The following SF3B2 variants were observed in gnomAD, a reference collection of about 807,000 sequenced individuals.
SF3B2 encodes SAP 145.
In SF3B2, 22 loss-of-function variants were observed where a neutral mutation model predicts 116.3. The ratio of observed to expected loss-of-function variants is 0.19; its 90% CI spans 0.14 to 0.27. The LOEUF is 0.27. Among genes scored for constraint, SF3B2 ranks in the 10% least tolerant of loss-of-function variants. SF3B2 has a pLI of 1.00. For missense variants in SF3B2, 767 were observed against 1,151.4 expected, an observed-to-expected ratio of 0.67 and a Z score of 4.83; for synonymous variants, 406 against 421.6, an observed-to-expected ratio of 0.96 and a Z score of 0.45.
rs1473400013 is a variant in SF3B2, at chr11:66,068,728, A to C, written c.2671A>C (p.Lys891Gln). The C allele has an allele frequency of 1.9e-6, 3 of 1,614,010 alleles. No individual in the cohort carries two copies. Among genetic ancestry groups the C allele is most frequent in the Non-Finnish European group, 2.5e-6 (3 of 1,179,976 alleles). ...QDSRGGSKKY[K>Q]EFKF ...CAGCCGTGGGGGCAGCAAGAAATAT[A>C]AGGAGTTCAAGTTTTAGGTCCCCTC... The change falls in exon 22 of 22, where the codon AAG (lysine) becomes CAG (glutamine). Residue 891 changes from lysine (K) to glutamine (Q), a missense_variant. Coordinates refer to ENST00000322535, the MANE Select transcript of SF3B2 (RefSeq NM_006842.3).
At position 66,068,977 on chromosome 11, in the gene SF3B2, A is replaced by C; in HGVS notation, c.*232A>C. On this transcript the variant is annotated 3_prime_UTR_variant, in exon 22 of 22. Coordinates refer to ENST00000322535, the MANE Select transcript of SF3B2 (RefSeq NM_006842.3). Reference sequence around the variant, plus strand: ...AGGACTAAAATAGTCTCTTTCTACAATCACTGGGCTGCCCCAGTAACCACG... The same window carrying C: ...AGGACTAAAATAGTCTCTTTCTACACTCACTGGGCTGCCCCAGTAACCACG... 3 of 493,088 alleles carry C rather than the reference A, an allele frequency of 6.1e-6. No individual in the cohort carries two copies. Among genetic ancestry groups the C allele is most frequent in the Non-Finnish European group, 3.7e-6 (1 of 269,356 alleles). The allele number at this position is 493,088 out of a possible 1,614,324, so 30.5% of individuals were successfully genotyped here.
At chr11:66,064,393 GT>G (rs1857145218) in intron 19 of SF3B2, among the ~76,000 whole-genome samples, 1 of 152,072 alleles carries the variant, frequency 6.6e-6, no homozygotes, top group Non-Finnish European at 1.5e-5. Context: ...TTCTCTTGAT[GT>G]TACACTGCTT....
rs368979347 is a variant in SF3B2, at chr11:66,063,386, G to A, written c.2086-14G>A. The A allele has an allele frequency of 7.5e-6, 12 of 1,602,628 alleles. No homozygotes were observed. The African/African-American group carries it at 1.5e-4, about 20-fold the overall frequency. On this transcript the variant is annotated splice_polypyrimidine_tract_variant and intron_variant, in intron 17 of 21. Transcript: ENST00000322535. ...TAGAAAACATTTGTTGAATGATAAA[G>A]TGATCTCTTTCAGACCAAGACTGAG... is the stretch of plus-strand genomic sequence containing the variant.
chr11:66,056,399 C>CAAAA lies in SF3B2; in HGVS notation c.550-420_550-417dup, dbSNP rs34575917. Among the ~76,000 whole-genome samples the CAAAA allele has an allele frequency of 5.6e-4, 29 of 52,134 alleles. 1 individual carries two copies. The highest frequency in any genetic ancestry group is 5.7e-4 in the Non-Finnish European group (16 of 28,112). The allele number at this position is 52,134 out of a possible 152,430, so 34.2% of individuals were successfully genotyped here. On this transcript the variant is annotated intron_variant, in intron 5 of 21. Transcript: ENST00000322535. ...TAGGCAACAGAGCCAGACTCTGTCT[C>CAAAA]AAAAAAAAAAAAAAAAAAAAAAGCC...
intron 2 of SF3B2, 94 bp from the exon 3 acceptor site, chr11:66,052,933 G>A: frequency 7.4e-7 from 1 of 1,346,490 alleles, no homozygotes; most frequent in South Asian, 1.2e-5. Flanking sequence ...TGGCAGACAG[G>A]CACTGGGTAC....
intron 21 of SF3B2, 29 bp downstream of exon 21, chr11:66,068,362 G>A (rs1857223741): frequency 4.5e-6 from 7 of 1,542,326 alleles, no homozygotes; most frequent in Non-Finnish European, 6.1e-6. Flanking sequence ...GCTGGGCTGG[G>A]TGAGAGCCAG....
chr11:66,055,776 G>A, intron 5 of SF3B2, 191 bp downstream of exon 5: 1 of 571,278 alleles, frequency 1.8e-6, no homozygotes, highest in South Asian at 2.6e-5. Context: ...GCCTGCATGT[G>A]TATGGCCTAT....
rs1383631103 is a variant in SF3B2, at chr11:66,059,044, A to G, written c.1181A>G (p.Lys394Arg). 6.2e-7 allele frequency: 1 copy of G among 1,613,750 alleles called. No individual in the cohort carries two copies. Among genetic ancestry groups the G allele is most frequent in the Non-Finnish European group, 8.5e-7 (1 of 1,179,816 alleles). Residue 394 changes from lysine (K) to arginine (R), a missense_variant and splice_region_variant, in exon 10 of 22, where the codon AAG becomes AGG. Physicochemically the swap from Lys to Arg is conservative, Grantham distance 26. Coordinates refer to ENST00000322535, the MANE Select transcript of SF3B2 (RefSeq NM_006842.3). The surrounding 1 kb of genome is among the most constrained non-coding windows in gnomAD (Gnocchi z 5.0). ...TTTAAGAGGATCTTTGAGGCTTTTA[A>G]GGTACAAGGAGAGCACACTAGGAAG... ...IFFKRIFEAF[K>R]LTDDVKKEKE...
rs1205042832 is a variant in SF3B2 at position 66,068,390 on chromosome 11, T to C, written c.2616+57T>C. 7 of 1,509,694 alleles carry C rather than the reference T, an allele frequency of 4.6e-6. No homozygotes were observed. The East Asian group carries it at 1.6e-4, about 35-fold the overall frequency. The allele number at this position is 1,509,694 out of a possible 1,614,324, so 93.5% of individuals were successfully genotyped here. A position where few individuals can be genotyped will look rare whatever the true frequency, so the allele number is the denominator to read the frequency against. ...AGAGCCAGGGACCCTGGCCTGCCGTTTTCAGTGGCATGGTGCCCTCTAGTG... is the reference window on the plus strand; with the variant it reads ...AGAGCCAGGGACCCTGGCCTGCCGTCTTCAGTGGCATGGTGCCCTCTAGTG... On this transcript the variant is annotated intron_variant, in intron 21 of 21. Coordinates refer to ENST00000322535, the MANE Select transcript of SF3B2 (RefSeq NM_006842.3).
Position 66,063,532 on chromosome 11 carries a change from C to A in SF3B2, c.2218C>A (p.Pro740Thr). Residue 740 changes from proline to threonine, a missense_variant, in exon 18 of 22, where the codon CCT (proline) becomes ACT (threonine). This residue lies in a region of SF3B2 where 282 missense variants were observed against 568.0 expected (regional missense o/e 0.50). Coordinates refer to ENST00000322535, the MANE Select transcript of SF3B2 (RefSeq NM_006842.3). The stretch of plus-strand genomic sequence containing the variant: ...ACCAGATGAGACAGGCTTTATTACC[C>A]CTGCAGACAGGTGGGGGAAGCAGAG... Reference protein sequence around the residue: ...DKPDETGFITPADSGLITPGG... With the variant: ...DKPDETGFITTADSGLITPGG... 6.2e-7 allele frequency: 1 copy of A among 1,613,542 alleles called. No individual in the cohort carries two copies. Among genetic ancestry groups the A allele is most frequent in the Non-Finnish European group, 8.5e-7 (1 of 1,179,764 alleles).
At position 66,059,101 on chromosome 11, in the gene SF3B2, G is replaced by A; in HGVS notation, c.1182+56G>A. ...TGCCAAACAGGGAAGGGGCTCAGAG[G>A]TGGGTGAGAGGCAGCGGTGAACAGG... On this transcript the variant is annotated intron_variant, in intron 10 of 21. Transcript: ENST00000322535. The surrounding 1 kb of genome is among the most constrained non-coding windows in gnomAD (Gnocchi z 5.0). 6.2e-7 allele frequency: 1 copy of A among 1,608,608 alleles called. No homozygotes were observed. The highest frequency in any genetic ancestry group is 2.2e-5 in the East Asian group (1 of 44,826).
At chr11:66,052,986 A>G (rs1565085559) in intron 2 of SF3B2, 41 bp from the exon 3 acceptor site, 4 of 1,589,966 alleles carry the variant, frequency 2.5e-6, no homozygotes, top group Non-Finnish European at 2.6e-6. Flanking sequence ...TTAGTGAAAC[A>G]GCTAGTTTTG....
Position 66,052,430 on chromosome 11 carries a change from C to A in SF3B2, c.46C>A (p.Pro16Thr), listed in dbSNP as rs769526007. 6.2e-7 allele frequency: 1 copy of A among 1,613,064 alleles called. No homozygotes were observed. Among genetic ancestry groups the A allele is most frequent in the South Asian group, 1.1e-5 (1 of 91,012 alleles). ...PEPPKAELQLPPPPPPGHYGA... is the reference protein window; with the variant it reads ...PEPPKAELQLTPPPPPGHYGA... Reference sequence around the variant, plus strand: ...GCCTCCCAAAGCAGAATTGCAGCTGCCGCCGCCGCCACCTCCAGGCCACTA... The same window carrying A: ...GCCTCCCAAAGCAGAATTGCAGCTGACGCCGCCGCCACCTCCAGGCCACTA... Residue 16 changes from proline (P) to threonine (T), a missense_variant, in exon 1 of 22, where the codon CCG (proline) becomes ACG (threonine). Transcript: ENST00000322535.
At chr11:66,055,731 C>T (rs1856982459) in intron 5 of SF3B2, 146 bp downstream of exon 5, 4 of 706,420 alleles carry the variant, frequency 5.7e-6, no homozygotes, top group Non-Finnish European at 9.4e-6. Flanking sequence ...TTCAATTTTT[C>T]TTGAAGTTCA....
chr11:66,055,757 T>C, intron 5 of SF3B2, 172 bp downstream of exon 5: 2 of 622,670 alleles, frequency 3.2e-6, no homozygotes, highest in South Asian at 2.1e-5. Flanking sequence ...TGACAAACTA[T>C]GACCTGTGGC....
intron 19 of SF3B2, chr11:66,067,096 T>C: frequency 8.6e-6 from 2 of 233,334 alleles, no homozygotes; most frequent in South Asian, 5.2e-5. Context: ...CTGTTTCATA[T>C]ATTTTGCCCA....
intron 14 of SF3B2, 72 bp from the exon 15 acceptor site, chr11:66,061,614 T>G: frequency 8.8e-7 from 1 of 1,134,020 alleles, no homozygotes; most frequent in Non-Finnish European, 1.3e-6. Context: ...ATTTTATATC[T>G]GATGTGCGTT....
rs1474096977 is a variant in SF3B2 at position 66,068,040 on chromosome 11, T to A, written c.2425T>A (p.Ser809Thr). The A allele has an allele frequency of 1.2e-6, 2 of 1,614,008 alleles. No individual in the cohort carries two copies. Among genetic ancestry groups the A allele is most frequent in the Non-Finnish European group, 8.5e-7 (1 of 1,179,950 alleles). Reference protein sequence around the residue: ...MMGSTHIYDMSTVMSRKGPAP... With the variant: ...MMGSTHIYDMTTVMSRKGPAP... ...GGGATCAACCCACATTTATGACATGTCCACGGTGAGTACTTGGAGGATACT... is the reference window on the plus strand; with the variant it reads ...GGGATCAACCCACATTTATGACATGACCACGGTGAGTACTTGGAGGATACT... The change falls in exon 20 of 22, where the codon TCC (serine) becomes ACC (threonine). Residue 809 changes from serine to threonine, a missense_variant. Coordinates refer to ENST00000322535, the MANE Select transcript of SF3B2 (RefSeq NM_006842.3).
Position 66,052,724 on chromosome 11 carries a change from G to A in SF3B2, c.180+5G>A. ...CTGCAGAGCTACACCCGCCAGGTAGGTGTTGGCGGCGGGACGTCAGGATAG... is the reference window on the plus strand; with the variant it reads ...CTGCAGAGCTACACCCGCCAGGTAGATGTTGGCGGCGGGACGTCAGGATAG... On this transcript the variant is annotated splice_donor_5th_base_variant and intron_variant, in intron 2 of 21. Transcript: ENST00000322535. The A allele has an allele frequency of 6.4e-7, 1 of 1,564,360 alleles. No homozygotes were observed. Among genetic ancestry groups the A allele is most frequent in the Non-Finnish European group, 8.6e-7 (1 of 1,159,254 alleles).
Sources: gnomAD v4.1 joint callset for allele counts (sites outside exome capture counted in the v4.1 genomes callset) on GRCh38, gnomAD v4.1.1 for gene constraint, gnomAD v4.1.1 regional missense constraint, Gnocchi (gnomAD v3.1) non-coding constraint, MANE v1.5 for transcripts, NCBI Gene and HGNC (gene_info 2026-07-23, HGNC 2026-07-21) for gene names.